Variants in COBL observed in about 807,000 individuals in gnomAD.
The protein encoded by COBL is cordon-bleu WH2 repeat protein, also known as protein cordon-bleu.
In COBL, 51 loss-of-function variants were observed where a neutral mutation model predicts 98.8. The ratio of observed to expected loss-of-function variants is 0.52; its 90% CI spans 0.41 to 0.65. The LOEUF is 0.65. COBL is among the 30% of genes least tolerant of loss of function. The pLI, the probability that COBL is intolerant of heterozygous loss-of-function variation, is 0.00. For missense variants in COBL, 1,617 were observed against 1,617.5 expected (o/e 1.00, Z 0.01); for synonymous variants, 634 against 651.7 (o/e 0.97, Z 0.41).
rs186838872 is a variant in COBL at position 51,196,134 on chromosome 7, T to C, written c.246-2545A>G. On this transcript the variant is annotated intron_variant, in intron 2 of 12. Transcript: ENST00000265136. ...ATTCAGTATGATCTTGGCTGTGAAT[T>C]TGTCATATATGGCTCTTATTATTTT... 3.5e-3 allele frequency among the ~76,000 whole-genome samples: 526 copies of C among 152,296 alleles called. 4 individuals carry two copies. The highest frequency in any genetic ancestry group is 0.012 in the African/African-American group (496 of 41,556).
chr7:51,229,320 A>G (rs140980127), intron 1 of COBL, among the ~76,000 whole-genome samples: 296 of 152,332 alleles, frequency 1.9e-3, no homozygotes, highest in South Asian at 9.1e-3. Flanking sequence ...ATCTCAAGTC[A>G]TTTTGCAGAA....
chr7:51,207,687 C>T (rs1791891414), intron 2 of COBL, among the ~76,000 whole-genome samples: 1 of 152,284 alleles, frequency 6.6e-6, no homozygotes, highest in Non-Finnish European at 1.5e-5. Context: ...CAGCCTCGGC[C>T]TCCCGAGGTG....
At chr7:51,290,202 T>G (rs1242344363) in intron 1 of COBL, among the ~76,000 whole-genome samples, 2 of 152,182 alleles carry the variant, frequency 1.3e-5, no homozygotes, top group Non-Finnish European at 2.9e-5. Flanking sequence ...TCACAGAGAC[T>G]CAATAGAATG....
chr7:51,175,033 A>T (rs1013009766), intron 5 of COBL, among the ~76,000 whole-genome samples: 7 of 152,208 alleles, frequency 4.6e-5, no homozygotes, highest in Non-Finnish European at 1.0e-4. Flanking sequence ...GCAAAGGGTG[A>T]GACCTCCTGA....
intron 1 of COBL, among the ~76,000 whole-genome samples, chr7:51,312,732 C>T (rs1055597489): frequency 6.6e-6 from 1 of 152,128 alleles, no homozygotes; most frequent in African/African-American, 2.4e-5. Flanking sequence ...CAAGGTTCCA[C>T]TCAATAATAA....
chr7:51,182,714 G>C (rs1789107931), intron 5 of COBL, among the ~76,000 whole-genome samples: 1 of 152,112 alleles, frequency 6.6e-6, no homozygotes, highest in Non-Finnish European at 1.5e-5. Flanking sequence ...GAAAATGTCA[G>C]GGAGCCAAAG....
At chr7:51,272,570 T>C (rs1798859537) in intron 1 of COBL, among the ~76,000 whole-genome samples, 1 of 152,154 alleles carries the variant, frequency 6.6e-6, no homozygotes, top group African/African-American at 2.4e-5. Flanking sequence ...ATTCAGAATA[T>C]TGGGAACATG....
intron 7 of COBL, among the ~76,000 whole-genome samples, chr7:51,080,911 T>TGAAAA (rs113364400): frequency 0.94 from 142,583 of 151,884 alleles, 67,104 homozygotes; most frequent in Non-Finnish European, 0.96. Flanking sequence ...ATACAACAAA[T>TGAAAA]GAAAAGATTC....
chr7:51,262,956 A>G (rs1035333258), intron 1 of COBL, among the ~76,000 whole-genome samples: 1 of 152,114 alleles, frequency 6.6e-6, no homozygotes, highest in Non-Finnish European at 1.5e-5. Flanking sequence ...AAAAGAAGTC[A>G]GTGTCCAGCA....
At chr7:51,081,099 G>C (rs1171839543) in intron 7 of COBL, among the ~76,000 whole-genome samples, 1 of 151,092 alleles carries the variant, frequency 6.6e-6, no homozygotes, top group African/African-American at 2.5e-5. Flanking sequence ...GGGCAGGAGC[G>C]GGGCAGGAGA....
intron 9 of COBL, 133 bp from the exon 10 acceptor site, chr7:51,029,724 G>T (rs1412944943): frequency 5.4e-6 from 4 of 745,908 alleles, no homozygotes; most frequent in Non-Finnish European, 8.2e-6. Context: ...ATGTTATTTG[G>T]GTTTGTAATC....
At chr7:51,129,684 G>A (rs1019546995) in intron 6 of COBL, among the ~76,000 whole-genome samples, 5 of 152,056 alleles carry the variant, frequency 3.3e-5, no homozygotes, top group Non-Finnish European at 5.9e-5. Flanking sequence ...GGTGGCCAGC[G>A]AGACTTCATG....
At chr7:51,105,799 A>G (rs1371306564) in intron 6 of COBL, among the ~76,000 whole-genome samples, 1 of 151,944 alleles carries the variant, frequency 6.6e-6, no homozygotes, top group African/African-American at 2.4e-5. Context: ...AGGCTGAGAG[A>G]GGCCTGGGAA....
chr7:51,206,820 T>C (rs550187865), intron 2 of COBL, among the ~76,000 whole-genome samples: 1 of 152,142 alleles, frequency 6.6e-6, no homozygotes, highest in Non-Finnish European at 1.5e-5. Flanking sequence ...TCTAAAATAG[T>C]TGAACTCCCA....
At chr7:51,202,720 GT>G (rs1324617589) in intron 2 of COBL, among the ~76,000 whole-genome samples, 1 of 152,176 alleles carries the variant, frequency 6.6e-6, no homozygotes, top group Non-Finnish European at 1.5e-5. Flanking sequence ...TAATAGGGAA[GT>G]TTATAGCAGT....
At chr7:51,095,215 T>C (rs1192424652) in intron 6 of COBL, among the ~76,000 whole-genome samples, 1 of 152,114 alleles carries the variant, frequency 6.6e-6, no homozygotes, top group Admixed American at 6.5e-5. Flanking sequence ...AAAGACAGCA[T>C]GTGCAGGGGA....
chr7:51,170,596 T>C (rs1287824447), intron 5 of COBL, among the ~76,000 whole-genome samples: 1 of 149,490 alleles, frequency 6.7e-6, no homozygotes, highest in African/African-American at 2.4e-5. Context: ...TGAAATATAA[T>C]TTAGCCTTAA....
chr7:51,192,314 A>T (rs1790195353), intron 3 of COBL, among the ~76,000 whole-genome samples: 2 of 152,220 alleles, frequency 1.3e-5, no homozygotes, highest in South Asian at 4.1e-4. Flanking sequence ...GCCTTATTTA[A>T]AAGTACAATA....
chr7:51,126,113 A>G (rs912018718), intron 6 of COBL, among the ~76,000 whole-genome samples: 1 of 152,194 alleles, frequency 6.6e-6, no homozygotes, highest in Admixed American at 6.5e-5. Context: ...AGATTACTTG[A>G]GGTCAGGAGT....
Sources: gnomAD v4.1 joint callset for allele counts (sites outside exome capture counted in the v4.1 genomes callset) on GRCh38, gnomAD v4.1.1 for gene constraint, MANE v1.5 for transcripts, NCBI Gene and HGNC (gene_info 2026-07-23, HGNC 2026-07-21) for gene names.